UAP1: variants seen among roughly 807,000 people sequenced by gnomAD.
UAP1 encodes UDP-N-acetylhexosamine pyrophosphorylase.
In UAP1, 25 loss-of-function variants were observed where a neutral mutation model predicts 58.5. The observed-to-expected ratio is 0.43, with a 90% CI of 0.31 to 0.60. The LOEUF (loss-of-function observed/expected upper bound fraction) is 0.60, where lower values mean the gene tolerates loss of function less well. UAP1 is among the 20% of genes least tolerant of loss of function. The pLI, the probability that UAP1 is intolerant of heterozygous loss-of-function variation, is 0.11. For missense variants in UAP1, 575 were observed against 630.0 expected, an observed-to-expected ratio of 0.91 and a Z score of 0.93; for synonymous variants, 208 against 213.0, an observed-to-expected ratio of 0.98 and a Z score of 0.21.
rs763330606 is a variant in UAP1, at chr1:162,590,315, C to T, written c.1170-8C>T. ...TAATAAAGAGGTCTTTATATGGTTT[C>T]GCTCTAGGAAGTTTGTGGTATATGA... On this transcript the variant is annotated splice_polypyrimidine_tract_variant and splice_region_variant and intron_variant, in intron 7 of 10. Coordinates refer to ENST00000271469, the Ensembl canonical transcript of UAP1. 1.5e-5 allele frequency: 24 copies of T among 1,605,058 alleles called. No homozygotes were observed. The highest frequency in any genetic ancestry group is 4.5e-5 in the East Asian group (2 of 44,744).
chr1:162,562,807 A>T lies in UAP1; in HGVS notation c.-58+1030A>T, dbSNP rs1246101633. 2.0e-5 allele frequency among the ~76,000 whole-genome samples: 3 copies of T among 151,984 alleles called. No homozygotes were observed. The East Asian group carries it at 5.8e-4, about 29-fold the overall frequency. On this transcript the variant is annotated intron_variant, in intron 1 of 10. Coordinates refer to ENST00000271469, the Ensembl canonical transcript of UAP1. Reference sequence around the variant, plus strand: ...GGATTCAGTTGGTGGTTATGTCTCAACTCTGATACTGTTTTTCAAAAGCTT... The same window carrying T: ...GGATTCAGTTGGTGGTTATGTCTCATCTCTGATACTGTTTTTCAAAAGCTT...
chr1:162,562,195 C>T (rs1441397846), intron 1 of UAP1, among the ~76,000 whole-genome samples: 2 of 151,970 alleles, frequency 1.3e-5, no homozygotes, highest in African/African-American at 4.8e-5. Context: ...GGCTCTCAGG[C>T]TAGGGCCTTG....
At chr1:162,562,068 A>G (rs1003497641) in intron 1 of UAP1, among the ~76,000 whole-genome samples, 2 of 152,130 alleles carry the variant, frequency 1.3e-5, no homozygotes, top group African/African-American at 4.8e-5. Flanking sequence ...AGCGCGCCCC[A>G]GATGGACTGG....
intron 4 of UAP1, 104 bp from the exon 5 acceptor site, chr1:162,581,183 C>T (rs983467364): frequency 8.4e-6 from 11 of 1,310,298 alleles, no homozygotes; most frequent in South Asian, 8.1e-5. Context: ...CTTTGTAAAG[C>T]GAATTTTGTT....
chr1:162,591,139 G>T lies in UAP1; in HGVS notation c.1358+628G>T, dbSNP rs144943511. ...ATGGGCTTTCACTATGTTGACCAGA[G>T]TGCTCTCGATCTCCTGACCTTGTGA... On this transcript the variant is annotated intron_variant, in intron 8 of 10. Coordinates refer to ENST00000271469, the Ensembl canonical transcript of UAP1. Among the ~76,000 whole-genome samples, 1,232 of 152,054 alleles carry T rather than the reference G, an allele frequency of 8.1e-3. 24 individuals are homozygous for T. Among genetic ancestry groups the T allele is most frequent in the African/African-American group, 0.028 (1,153 of 41,494 alleles).
chr1:162,588,660 C>G lies in UAP1; in HGVS notation c.1029-33C>G, dbSNP rs576653609. 10 of 1,579,158 alleles carry G rather than the reference C, an allele frequency of 6.3e-6. No homozygotes were observed. In the African/African-American group the frequency reaches 1.1e-4, roughly 17 times the overall value. On this transcript the variant is annotated intron_variant, in intron 6 of 10. Transcript: ENST00000271469. ...ATTTTCTGGCATTTTAAATCTGGAA[C>G]GTGATTATATCTTTTCTCCTCCTGC...
intron 5 of UAP1, 77 bp downstream of exon 5, chr1:162,581,536 G>A (rs1456461368): frequency 7.3e-7 from 1 of 1,370,826 alleles, no homozygotes; most frequent in Non-Finnish European, 9.9e-7. Flanking sequence ...GTCAAACCAA[G>A]TTTATTAGGG....
At chr1:162,579,833 GTA>G (rs1654473038) in intron 4 of UAP1, among the ~76,000 whole-genome samples, 1 of 151,998 alleles carries the variant, frequency 6.6e-6, no homozygotes, top group South Asian at 2.1e-4. Context: ...AGCATTCAGG[GTA>G]TTCTTTCTCT....
At chr1:162,566,683 G>A (rs1653531911) in intron 2 of UAP1, among the ~76,000 whole-genome samples, 2 of 151,742 alleles carry the variant, frequency 1.3e-5, no homozygotes, top group East Asian at 1.9e-4. Flanking sequence ...CTGGAGTGCA[G>A]TGGGGCGATC....
chr1:162,593,973 T>G (rs774467084), intron 9 of UAP1, among the ~76,000 whole-genome samples: 19 of 152,106 alleles, frequency 1.2e-4, no homozygotes, highest in Non-Finnish European at 2.4e-4. Flanking sequence ...GACTCAAAGA[T>G]CTGATCAATT....
intron 5 of UAP1, among the ~76,000 whole-genome samples, chr1:162,585,618 A>G (rs1157034517): frequency 1.3e-5 from 2 of 152,192 alleles, no homozygotes; most frequent in African/African-American, 4.8e-5. Context: ...TTCAGTTTAC[A>G]AATGCTTTCT....
At chr1:162,567,283 C>T (rs1322240165) in intron 2 of UAP1, among the ~76,000 whole-genome samples, 1 of 152,172 alleles carries the variant, frequency 6.6e-6, no homozygotes, top group Non-Finnish European at 1.5e-5. Flanking sequence ...CATAAGAGTT[C>T]TTCCTCAATA....
chr1:162,575,655 T>C (rs964205762), intron 2 of UAP1, among the ~76,000 whole-genome samples: 2 of 151,802 alleles, frequency 1.3e-5, no homozygotes, highest in African/African-American at 4.8e-5. Flanking sequence ...TGGTGTGGTC[T>C]GGAACTCCTG....
intron 7 of UAP1, among the ~76,000 whole-genome samples, chr1:162,589,199 T>TAA (rs1435889675): frequency 1.1e-3 from 61 of 55,276 alleles, no homozygotes; most frequent in African/African-American, 3.0e-3. Flanking sequence ...ATATTATATA[T>TAA]TATATTTAAA....
At chr1:162,591,360 G>A (rs1571090310) in intron 8 of UAP1, among the ~76,000 whole-genome samples, 1 of 152,198 alleles carries the variant, frequency 6.6e-6, no homozygotes, top group Non-Finnish European at 1.5e-5. Flanking sequence ...GTCTAGAAGA[G>A]AAGTAAATGT....
At chr1:162,578,239 T>A (rs1009711970) in intron 3 of UAP1, among the ~76,000 whole-genome samples, 1 of 152,042 alleles carries the variant, frequency 6.6e-6, no homozygotes, top group Non-Finnish European at 1.5e-5. Flanking sequence ...CTAGTTTCTG[T>A]CCCCGAGCAG....
chr1:162,579,587 A>G, exon 4 of UAP1: 1 of 1,593,652 alleles, frequency 6.3e-7, no homozygotes, highest in South Asian at 1.1e-5. Flanking sequence ...AGAAGAACAA[A>G]GTTTCTATGG....
At chr1:162,599,298 G>A in exon 11 of UAP1, 2 of 1,612,616 alleles carry the variant, frequency 1.2e-6, no homozygotes, top group Non-Finnish European at 1.7e-6. Context: ...GGCAGATAAA[G>A]AATTCCATGC....
At chr1:162,590,193 A>G (rs1655212881) in intron 7 of UAP1, 130 bp from the exon 8 acceptor site, 1 of 693,130 alleles carries the variant, frequency 1.4e-6, no homozygotes, top group African/African-American at 1.8e-5. Flanking sequence ...AGGGTGAGCA[A>G]TATTTTATTC....
Sources: allele counts gnomAD v4.1 joint callset (sites outside exome capture counted in the v4.1 genomes callset), GRCh38; gene constraint gnomAD v4.1.1; transcripts MANE v1.5; gene names NCBI Gene and HGNC (gene_info 2026-07-23, HGNC 2026-07-21).